ZMYM5: variants seen among roughly 807,000 people sequenced by gnomAD.
ZMYM5 encodes zinc finger MYM-type protein 5.
In ZMYM5, 41 loss-of-function variants were observed where a neutral mutation model predicts 61.8. The observed-to-expected ratio is 0.66, with a 90% CI of 0.52 to 0.86. The LOEUF (loss-of-function observed/expected upper bound fraction) is 0.86, where lower values mean the gene tolerates loss of function less well. ZMYM5 is among the 40% of genes least tolerant of loss of function. ZMYM5 has a pLI of 0.00. For synonymous variants in ZMYM5, 257 were observed against 276.4 expected (o/e 0.93, Z 0.70); for missense variants, 706 against 786.7 (o/e 0.90, Z 1.23).
chr13:19,852,085 C>A lies in ZMYM5; in HGVS notation c.96G>T (p.Gly32=), dbSNP rs1953329076. 6.2e-7 allele frequency: 1 copy of A among 1,613,802 alleles called. No individual in the cohort carries two copies. The highest frequency in any genetic ancestry group is 8.5e-7 in the Non-Finnish European group (1 of 1,179,998). Reference sequence around the variant, plus strand: ...GACAAGCTGGATGACCAAATGAATCCCCTATGTCCATGAGACTAGTTGCCA... The same window carrying A: ...GACAAGCTGGATGACCAAATGAATCACCTATGTCCATGAGACTAGTTGCCA... ...MAMATSLMDI[G]DSFGHPACPL... Residue 32 remains glycine (G), a synonymous_variant, in exon 3 of 8, where the codon GGG becomes GGT. Transcript: ENST00000337963.
intron 1 of ZMYM5, among the ~76,000 whole-genome samples, chr13:19,862,752 T>C (rs1953818747): frequency 6.6e-6 from 1 of 152,242 alleles, no homozygotes; most frequent in African/African-American, 2.4e-5. Flanking sequence ...AAACGTCGTC[T>C]CGACGCCAGC....
intron 7 of ZMYM5, among the ~76,000 whole-genome samples, chr13:19,834,221 A>G (rs1952608168): frequency 6.6e-6 from 1 of 152,116 alleles, no homozygotes; most frequent in Non-Finnish European, 1.5e-5. Context: ...TAGGTGATCC[A>G]TCCGCCTTGG....
intron 7 of ZMYM5, 138 bp downstream of exon 7, chr13:19,835,339 A>G: frequency 1.7e-6 from 1 of 595,784 alleles, no homozygotes; most frequent in Non-Finnish European, 2.5e-6. Context: ...TTAGACTTGA[A>G]TATTTGAGAT....
chr13:19,847,803 ATTTTT>A lies in ZMYM5; in HGVS notation c.586+3547_586+3551del, dbSNP rs34176871. On this transcript the variant is annotated intron_variant, in intron 4 of 7. Coordinates refer to ENST00000337963, the MANE Select transcript of ZMYM5 (RefSeq NM_001142684.2). ...AGGCACCTGCCACCATGCCCGGCTAATTTTTTTTTTTTTTTTTTTTTTTTGTATTT... is the reference window on the plus strand; with the variant it reads ...AGGCACCTGCCACCATGCCCGGCTAATTTTTTTTTTTTTTTTTTTGTATTT... Among the ~76,000 whole-genome samples, 200 of 79,892 alleles carry A rather than the reference ATTTTT, an allele frequency of 2.5e-3. 1 individual carries two copies. The highest frequency in any genetic ancestry group is 4.6e-3 in the South Asian group (8 of 1,728). 52.4% of individuals were successfully genotyped at this position (79,892 alleles called of 152,430 possible).
intron 7 of ZMYM5, among the ~76,000 whole-genome samples, chr13:19,834,166 C>A (rs1346627212): frequency 6.6e-6 from 1 of 151,944 alleles, no homozygotes; most frequent in African/African-American, 2.4e-5. Context: ...TTAGTAGAGA[C>A]GGGGTTTCGC....
At chr13:19,851,489 C>T in intron 3 of ZMYM5, 41 bp from the exon 4 acceptor site, 1 of 1,603,078 alleles carries the variant, frequency 6.2e-7, no homozygotes, top group South Asian at 1.1e-5. Context: ...TATATTAACA[C>T]CAAAATTACT....
At chr13:19,837,134 C>T (rs868623950) in intron 6 of ZMYM5, among the ~76,000 whole-genome samples, 13 of 151,836 alleles carry the variant, frequency 8.6e-5, no homozygotes, top group African/African-American at 2.9e-4. Flanking sequence ...CTGGTTCAAG[C>T]GATTCTCCTG....
At chr13:19,855,314 G>A (rs1383984174) in intron 2 of ZMYM5, among the ~76,000 whole-genome samples, 1 of 151,732 alleles carries the variant, frequency 6.6e-6, no homozygotes, top group Non-Finnish European at 1.5e-5. Context: ...CCAGGCTGGA[G>A]TGCAGTGGCA....
intron 7 of ZMYM5, among the ~76,000 whole-genome samples, chr13:19,827,179 T>C (rs970298428): frequency 2.6e-5 from 4 of 152,150 alleles, no homozygotes; most frequent in African/African-American, 9.7e-5. Context: ...GCATGTTAAT[T>C]ACATCTCAAT....
In ZMYM5 at chr13:19,824,699, A is replaced by G. The variant is rs199614339; in HGVS notation, c.1788T>C (p.Phe596=). The stretch of plus-strand genomic sequence containing the variant: ...TTTTCAGTTGATTTTTTCCTTCCCC[A>G]AAGAGTTTGCAATATAGACAAAACA... ...DSVFCLYCKL[F]GEGKNQLKNE... Residue 596 remains phenylalanine (F), a synonymous_variant, in exon 8 of 8, where the codon TTT becomes TTC. Transcript: ENST00000337963. The G allele has an allele frequency of 1.5e-6, 2 of 1,351,864 alleles. No individual in the cohort carries two copies. The highest frequency in any genetic ancestry group is 2.0e-6 in the Non-Finnish European group (2 of 1,015,148). The allele number at this position is 1,351,864 out of a possible 1,614,324, so 83.7% of individuals were successfully genotyped here.
At chr13:19,837,024 G>GTTTTTTTTTTTTTTTTTTT (rs11449895) in intron 6 of ZMYM5, among the ~76,000 whole-genome samples, 1 of 143,892 alleles carries the variant, frequency 6.9e-6, no homozygotes. Flanking sequence ...GTTGTTTTTT[G>GTTTTTTTTTTTTTTTTTTT]TTTTTTTTTT....
intron 2 of ZMYM5, among the ~76,000 whole-genome samples, chr13:19,861,572 G>C (rs1953762691): frequency 6.6e-6 from 1 of 152,202 alleles, no homozygotes; most frequent in Non-Finnish European, 1.5e-5. Flanking sequence ...GTAAAAGGAA[G>C]GCAGGAATAC....
rs1952724286 is a variant in ZMYM5 at position 19,837,834 on chromosome 13, G to A, written c.873-13C>T. On this transcript the variant is annotated splice_polypyrimidine_tract_variant and intron_variant, in intron 5 of 7. Coordinates refer to ENST00000337963, the MANE Select transcript of ZMYM5 (RefSeq NM_001142684.2). ...TGTAGATGCATCTCTGAAACAGAAG[G>A]GATAGACACATAATTTAAGAACACT... 3 of 1,569,638 alleles carry A rather than the reference G, an allele frequency of 1.9e-6. No individual in the cohort carries two copies. The highest frequency in any genetic ancestry group is 2.3e-5 in the East Asian group (1 of 43,254).
At position 19,851,824 on chromosome 13, in the gene ZMYM5, A is replaced by G. The variant is rs768942229; in HGVS notation, c.357T>C (p.Ile119=). The change falls in exon 3 of 8, where the codon ATT becomes ATC. Residue 119 remains isoleucine, a synonymous_variant. Transcript: ENST00000337963. ...TTGTTTCTATGTCCTCTTCATCATC[A>G]ATAACAATTGTCTCACTTATATTTC... ...QKGNISETIV[I]DDEEDIETNG... The G allele has an allele frequency of 3.6e-5, 58 of 1,612,776 alleles. No individual in the cohort carries two copies. The highest frequency in any genetic ancestry group is 4.9e-5 in the Non-Finnish European group (58 of 1,179,818).
Position 19,851,926 on chromosome 13 carries a change from T to C in ZMYM5, c.255A>G (p.Ala85=), listed in dbSNP as rs201839424. The C allele has an allele frequency of 2.6e-5, 42 of 1,613,646 alleles. No individual in the cohort carries two copies. Among genetic ancestry groups the C allele is most frequent in the Admixed American group, 5.0e-5 (3 of 59,928 alleles). Residue 85 remains alanine, a synonymous_variant, in exon 3 of 8, where the codon GCA becomes GCG. Coordinates refer to ENST00000337963, the MANE Select transcript of ZMYM5 (RefSeq NM_001142684.2). ...CTTGAGGCTTTTCATTTTTTGATGA[T>C]GCAAATATGAAGTTTCTTTGATCAG... ...AIADQRNFIF[A]SSKNEKPQGN... is the part of the protein sequence containing the mutation.
rs1555264422 is a variant in ZMYM5, at chr13:19,860,472, A to ATAT, written c.-11+1926_-11+1927insATA. On this transcript the variant is annotated intron_variant, in intron 2 of 7. Coordinates refer to ENST00000337963, the MANE Select transcript of ZMYM5 (RefSeq NM_001142684.2). ...TATGTGTGTGTGTGTGTGTGTGTGTATTTTTTTTTTTGTAGTGACAGGGTT... is the reference window on the plus strand; with the variant it reads ...TATGTGTGTGTGTGTGTGTGTGTGTATATTTTTTTTTTTTGTAGTGACAGGGTT... Among the ~76,000 whole-genome samples the ATAT allele has an allele frequency of 1.4e-3, 166 of 118,232 alleles. 1 individual carries two copies. Among genetic ancestry groups the ATAT allele is most frequent in the Middle Eastern group, 8.8e-3 (2 of 226 alleles). The allele number at this position is 118,232 out of a possible 152,430, so 77.6% of individuals were successfully genotyped here.
At chr13:19,836,932 T>C (rs1952690634) in intron 6 of ZMYM5, among the ~76,000 whole-genome samples, 2 of 152,200 alleles carry the variant, frequency 1.3e-5, no homozygotes, top group African/African-American at 2.4e-5. Flanking sequence ...TTGTTCCATG[T>C]GTTCTTGTAC....
chr13:19,836,265 T>A (rs1952672746), intron 6 of ZMYM5, among the ~76,000 whole-genome samples: 1 of 148,966 alleles, frequency 6.7e-6, no homozygotes, highest in Non-Finnish European at 1.5e-5. Context: ...CAACAGATAA[T>A]GAACTTTTTT....
intron 4 of ZMYM5, among the ~76,000 whole-genome samples, chr13:19,847,244 T>G (rs1234754041): frequency 6.6e-6 from 1 of 151,940 alleles, no homozygotes; most frequent in Non-Finnish European, 1.5e-5. Flanking sequence ...CCACTGCGCC[T>G]GGTGATGAAA....
Sources: allele counts gnomAD v4.1 joint callset (sites outside exome capture counted in the v4.1 genomes callset), GRCh38; gene constraint gnomAD v4.1.1; transcripts MANE v1.5; gene names NCBI Gene and HGNC (gene_info 2026-07-23, HGNC 2026-07-21).